Variants in FANK1 observed in about 807,000 individuals in gnomAD.
The protein encoded by FANK1 is fibronectin type III and ankyrin repeat domains 1.
A neutral mutation model predicts 45.3 loss-of-function variants in FANK1; 44 were observed. The observed-to-expected ratio is 0.97, with a 90% confidence interval of 0.76 to 1.25. FANK1 has a LOEUF of 1.25. Ranked by LOEUF, FANK1 falls within the 50% of genes most tolerant of loss-of-function variation. FANK1 has a pLI of 0.00. For synonymous variants in FANK1, 149 were observed against 152.5 expected, an observed-to-expected ratio of 0.98 and a Z score of 0.17; for missense variants, 391 against 424.4, an observed-to-expected ratio of 0.92 and a Z score of 0.69.
At chr10:125,964,928 G>C (rs1310989415) in intron 1 of FANK1, among the ~76,000 whole-genome samples, 1 of 152,208 alleles carries the variant, frequency 6.6e-6, no homozygotes, top group Non-Finnish European at 1.5e-5. Context: ...GGAGGCCAAG[G>C]CTGGCGGAGC....
rs375041809 is a variant in FANK1, at chr10:125,997,412, T to C, written c.474-8T>C. On this transcript the variant is annotated splice_polypyrimidine_tract_variant and splice_region_variant and intron_variant, in intron 5 of 10. Transcript: ENST00000368693. ...TTATCTAGCTACACTTAAGTTTGTT[T>C]CCTTTAGGCTTGTGAAAATCCTAGT... 3.7e-6 allele frequency: 6 copies of C among 1,612,882 alleles called. No homozygotes were observed. In the African/African-American group the frequency reaches 5.3e-5, roughly 14 times the overall value.
At chr10:125,949,496 A>G (rs1221363599) in intron 1 of FANK1, among the ~76,000 whole-genome samples, 1 of 152,230 alleles carries the variant, frequency 6.6e-6, no homozygotes, top group African/African-American at 2.4e-5. Context: ...CCAAATCATG[A>G]GTGAACTCCC....
intron 2 of FANK1, among the ~76,000 whole-genome samples, chr10:125,982,298 C>T (rs985204227): frequency 1.3e-5 from 2 of 152,234 alleles, no homozygotes; most frequent in African/African-American, 4.8e-5. Flanking sequence ...ACCATAGCTG[C>T]GTGTGCTGGC....
intron 1 of FANK1, among the ~76,000 whole-genome samples, chr10:125,937,466 G>C (rs1440116348): frequency 6.6e-6 from 1 of 152,126 alleles, no homozygotes; most frequent in Non-Finnish European, 1.5e-5. Flanking sequence ...TTTTGGTATT[G>C]AGTCAATGTT....
chr10:125,964,347 C>T (rs576835143), intron 1 of FANK1, among the ~76,000 whole-genome samples: 23 of 151,968 alleles, frequency 1.5e-4, no homozygotes, highest in Non-Finnish European at 2.4e-4. Flanking sequence ...TGTGCGCCAC[C>T]GTGCCCAGCT....
At chr10:125,997,899 A>G (rs1235845780) in intron 6 of FANK1, among the ~76,000 whole-genome samples, 1 of 152,250 alleles carries the variant, frequency 6.6e-6, no homozygotes, top group Non-Finnish European at 1.5e-5. Context: ...CGTTGTTTCT[A>G]AAGAAGCAGA....
intron 1 of FANK1, among the ~76,000 whole-genome samples, chr10:125,965,030 T>C (rs986004589): frequency 2.0e-5 from 3 of 152,162 alleles, no homozygotes; most frequent in African/African-American, 7.2e-5. Flanking sequence ...TGGTGGTGCA[T>C]GCCTATAATC....
At chr10:125,923,880 G>A (rs1294824534) in intron 1 of FANK1, among the ~76,000 whole-genome samples, 1 of 152,204 alleles carries the variant, frequency 6.6e-6, no homozygotes, top group Non-Finnish European at 1.5e-5. Context: ...CAGTCCTCCT[G>A]TGCAAGATTG....
At chr10:125,912,852 C>G (rs940086682) in intron 1 of FANK1, among the ~76,000 whole-genome samples, 1 of 152,204 alleles carries the variant, frequency 6.6e-6, no homozygotes, top group Non-Finnish European at 1.5e-5. Flanking sequence ...CCAGGCAAGT[C>G]TCAAACTCCT....
At chr10:125,968,119 C>T (rs973908014) in intron 1 of FANK1, among the ~76,000 whole-genome samples, 4 of 150,594 alleles carry the variant, frequency 2.7e-5, no homozygotes, top group East Asian at 1.9e-4. Context: ...CTTGCTCTTT[C>T]GCTCAGGCTG....
chr10:125,947,547 T>A (rs1948897862), intron 1 of FANK1, among the ~76,000 whole-genome samples: 1 of 151,040 alleles, frequency 6.6e-6, no homozygotes, highest in South Asian at 2.1e-4. Context: ...AGGGATCAAT[T>A]CAACAAGAAG....
rs749261956 is a variant in FANK1, at chr10:125,994,448, G to A, written c.317-969G>A. The A allele has an allele frequency of 2.1e-5, 21 of 985,262 alleles. No homozygotes were observed. In the South Asian group the frequency reaches 2.4e-4, roughly 11 times the overall value. 61.0% of individuals were successfully genotyped at this position (985,262 alleles called of 1,614,324 possible). A position where few individuals can be genotyped will look rare whatever the true frequency, so the allele number is the denominator to read the frequency against. The stretch of plus-strand genomic sequence containing the variant: ...GGGATTATAAACTCAAACTCTTGCC[G>A]TTTGCGGATGAGGGGCTGGGCGTAC... On this transcript the variant is annotated intron_variant, in intron 3 of 10. Transcript: ENST00000368693.
At position 125,941,501 on chromosome 10, in the gene FANK1, A is replaced by T. The variant is rs1241576209; in HGVS notation, c.14-38660A>T. Reference sequence around the variant, plus strand: ...TCGAGAAACAATTTGACATTATCACATAAGTTTGAATATTTGTGTAGCTAT... The same window carrying T: ...TCGAGAAACAATTTGACATTATCACTTAAGTTTGAATATTTGTGTAGCTAT... On this transcript the variant is annotated intron_variant, in intron 1 of 10. Coordinates refer to ENST00000368693, the MANE Select transcript of FANK1 (RefSeq NM_145235.5). Among the ~76,000 whole-genome samples the T allele has an allele frequency of 2.0e-5, 3 of 152,362 alleles. No individual in the cohort carries two copies. In the East Asian group the frequency reaches 5.8e-4, roughly 29 times the overall value.
At chr10:125,912,877 C>T (rs1228699662) in intron 1 of FANK1, among the ~76,000 whole-genome samples, 1 of 152,212 alleles carries the variant, frequency 6.6e-6, no homozygotes, top group African/African-American at 2.4e-5. Context: ...TCAAGTGATC[C>T]GCCCGTCTCG....
chr10:125,989,972 C>T (rs916648702), intron 3 of FANK1, among the ~76,000 whole-genome samples: 1 of 152,196 alleles, frequency 6.6e-6, no homozygotes, highest in African/African-American at 2.4e-5. Flanking sequence ...CCACAGGCCT[C>T]CTGCCACTGC....
At chr10:125,924,045 G>A (rs912133909) in intron 1 of FANK1, among the ~76,000 whole-genome samples, 1 of 152,118 alleles carries the variant, frequency 6.6e-6, no homozygotes, top group African/African-American at 2.4e-5. Flanking sequence ...GAGCCTGTAA[G>A]GGGGAGGCTG....
intron 1 of FANK1, among the ~76,000 whole-genome samples, chr10:125,913,720 G>A (rs1478066972): frequency 6.6e-6 from 1 of 152,220 alleles, no homozygotes; most frequent in Non-Finnish European, 1.5e-5. Context: ...CTCTGGGACT[G>A]GGGGCAAGTT....
At chr10:126,007,998 A>G (rs1037048853) in intron 7 of FANK1, among the ~76,000 whole-genome samples, 14 of 152,168 alleles carry the variant, frequency 9.2e-5, no homozygotes, top group Admixed American at 2.6e-4. Flanking sequence ...TAAAATTGAT[A>G]AGTATTAGTA....
rs1254729723 is a variant in FANK1 at position 125,918,435 on chromosome 10, A to G, written c.13+21780A>G. On this transcript the variant is annotated intron_variant, in intron 1 of 10. Coordinates refer to ENST00000368693, the MANE Select transcript of FANK1 (RefSeq NM_145235.5). Reference sequence around the variant, plus strand: ...GCTAGGTGTGGTGGCGGGTACCTGTAATCCCACCTACTTGGGAGGCTGAGG... The same window carrying G: ...GCTAGGTGTGGTGGCGGGTACCTGTGATCCCACCTACTTGGGAGGCTGAGG... 7.9e-5 allele frequency among the ~76,000 whole-genome samples: 12 copies of G among 152,118 alleles called. No individual in the cohort carries two copies. In the South Asian group the frequency reaches 2.5e-3, roughly 32 times the overall value.
Sources: allele counts gnomAD v4.1 joint callset (sites outside exome capture counted in the v4.1 genomes callset), GRCh38; gene constraint gnomAD v4.1.1; transcripts MANE v1.5; gene names NCBI Gene and HGNC (gene_info 2026-07-23, HGNC 2026-07-21).